The following SLC60A1 variants were observed in gnomAD, a reference collection of about 807,000 sequenced individuals.
SLC60A1 encodes the protein solute carrier family 60 member 1.
chr1:205,586,269 G>A, the SLC60A1 span: 1 of 1,590,520 alleles, frequency 6.3e-7, no homozygotes, highest in Non-Finnish European at 8.6e-7. Context: ...CCTCCTCCTG[G>A]CCCTACCCCA....
At chr1:205,593,386 G>C in the SLC60A1 span, among the ~76,000 whole-genome samples, 3 of 130,078 alleles carry the variant, frequency 2.3e-5, no homozygotes, top group African/African-American at 8.8e-5. Flanking sequence ...CAGGAGAATG[G>C]CGTGAACCCA....
At chr1:205,580,174 T>C in the SLC60A1 span, among the ~76,000 whole-genome samples, 2 of 152,186 alleles carry the variant, frequency 1.3e-5, no homozygotes, top group Non-Finnish European at 2.9e-5. The surrounding 1 kb of genome is among the most constrained non-coding windows in gnomAD (Gnocchi z 5.0). Flanking sequence ...CTTTGCGAAC[T>C]GGAAAGGTGG....
chr1:205,579,396 C>T, the SLC60A1 span: 1 of 493,242 alleles, frequency 2.0e-6, no homozygotes, highest in African/African-American at 1.9e-5. Context: ...ACACATGCCT[C>T]TTGAGATGCT....
chr1:205,569,942 C>G, the SLC60A1 span, among the ~76,000 whole-genome samples: 1 of 152,178 alleles, frequency 6.6e-6, no homozygotes, highest in South Asian at 2.1e-4. Flanking sequence ...GCATGGGCCC[C>G]CGAGACACAC....
the SLC60A1 span, chr1:205,580,916 A>G: frequency 1.9e-6 from 3 of 1,613,212 alleles, no homozygotes; most frequent in Non-Finnish European, 2.5e-6. The surrounding 1 kb of genome is among the most constrained non-coding windows in gnomAD (Gnocchi z 5.0). Flanking sequence ...CATGGCCCTC[A>G]TCAATGTGAG....
At chr1:205,579,481 A>G in the SLC60A1 span, 1 of 575,168 alleles carries the variant, frequency 1.7e-6, no homozygotes, top group East Asian at 2.8e-5. Context: ...TTAGGGTTTA[A>G]GGAAATAACG....
At chr1:205,569,450 C>T in the SLC60A1 span, 1 of 383,982 alleles carries the variant, frequency 2.6e-6, no homozygotes, top group Non-Finnish European at 4.2e-6. Context: ...CCACCCCTCC[C>T]AGCTCCATCT....
At chr1:205,581,020 C>T in the SLC60A1 span, 93 of 1,450,874 alleles carry the variant, frequency 6.4e-5, no homozygotes, top group Non-Finnish European at 7.6e-5. The surrounding 1 kb of genome is among the most constrained non-coding windows in gnomAD (Gnocchi z 4.2). Context: ...TGCTGAGAAA[C>T]GTGCTGGGGC....
the SLC60A1 span, among the ~76,000 whole-genome samples, chr1:205,590,785 C>T: frequency 6.6e-6 from 1 of 152,188 alleles, no homozygotes; most frequent in Non-Finnish European, 1.5e-5. Context: ...TACCTCAAAG[C>T]CATAGGCTGC....
the SLC60A1 span, chr1:205,599,071 C>T: frequency 1.2e-5 from 19 of 1,603,350 alleles, no homozygotes; most frequent in South Asian, 7.9e-5. Flanking sequence ...CTGCTTCCTC[C>T]GATACACCTT....
the SLC60A1 span, among the ~76,000 whole-genome samples, chr1:205,588,007 G>A: frequency 6.6e-6 from 1 of 152,112 alleles, no homozygotes; most frequent in African/African-American, 2.4e-5. Flanking sequence ...TCAGGTTCCT[G>A]GGCCCAACCC....
the SLC60A1 span, chr1:205,600,049 CA>C: frequency 5.4e-6 from 1 of 185,558 alleles, no homozygotes; most frequent in Middle Eastern, 2.2e-3. Flanking sequence ...AGGTGGCCCC[CA>C]AAACAGCACT....
the SLC60A1 span, among the ~76,000 whole-genome samples, chr1:205,590,584 C>G: frequency 6.6e-6 from 1 of 152,194 alleles, no homozygotes; most frequent in Non-Finnish European, 1.5e-5. Flanking sequence ...GTAAAGGCCT[C>G]AAGGATTAGG....
chr1:205,597,373 G>GTTTTTTGTTTTTTTTTTTTTTTTTT, the SLC60A1 span, among the ~76,000 whole-genome samples: 2 of 37,228 alleles, frequency 5.4e-5, 1 homozygote. Flanking sequence ...AACCTAGGTT[G>GTTTTTTGTTTTTTTTTTTTTTTTTT]TTTTTTTTTT....
chr1:205,569,199 T>C, the SLC60A1 span: 1 of 1,553,180 alleles, frequency 6.4e-7, no homozygotes, highest in Non-Finnish European at 8.7e-7. Flanking sequence ...GGACCTGCGC[T>C]GTCAGACGCA....
chr1:205,588,342 T>G, the SLC60A1 span, among the ~76,000 whole-genome samples: 1 of 151,796 alleles, frequency 6.6e-6, no homozygotes, highest in East Asian at 1.9e-4. Context: ...TGGTGGCGCC[T>G]GCCTGTAATC....
the SLC60A1 span, among the ~76,000 whole-genome samples, chr1:205,588,700 A>T: frequency 8.8e-4 from 134 of 152,236 alleles, 1 homozygote; most frequent in Middle Eastern, 3.4e-3. Context: ...ACTTCCGAGT[A>T]TTCCTCTCTA....
At chr1:205,573,583 A>G in the SLC60A1 span, among the ~76,000 whole-genome samples, 1 of 152,220 alleles carries the variant, frequency 6.6e-6, no homozygotes, top group Admixed American at 6.5e-5. Context: ...AATTTATGTA[A>G]AAGTTCAGAA....
chr1:205,580,086 C>T, the SLC60A1 span: 1 of 947,240 alleles, frequency 1.1e-6, no homozygotes, highest in Non-Finnish European at 1.5e-6. This position sits in a 1 kb window ranked among gnomAD's most constrained non-coding sequence, Gnocchi z 5.0. Context: ...CTCGGTTTTC[C>T]CATCTCTAAA....
Sources: allele counts gnomAD v4.1 joint callset (sites outside exome capture counted in the v4.1 genomes callset), GRCh38; gene constraint gnomAD v4.1.1; non-coding constraint Gnocchi (gnomAD v3.1); transcripts MANE v1.5; gene names NCBI Gene and HGNC (gene_info 2026-07-23, HGNC 2026-07-21).